CTBP2: variants seen among roughly 807,000 people sequenced by gnomAD.
CTBP2 encodes the protein C-terminal-binding protein 2.
In CTBP2, 30 loss-of-function variants were observed where a neutral mutation model predicts 80.3. The observed-to-expected ratio is 0.37, with a 90% CI of 0.28 to 0.51. The LOEUF (loss-of-function observed/expected upper bound fraction) is 0.51, where lower values mean the gene tolerates loss of function less well. Among genes scored for constraint, CTBP2 ranks in the 20% least tolerant of loss-of-function variants. The probability of loss-of-function intolerance (pLI) is 0.93; values close to 1 mark genes in which losing one functional copy is unlikely to be tolerated. For missense variants in CTBP2, 1,212 were observed against 1,375.3 expected (o/e 0.88, Z 1.88); for synonymous variants, 594 against 587.4 (o/e 1.01, Z -0.16).
chr10:125,038,943 G>T, intron 3 of CTBP2, 54 bp downstream of exon 3: 1 of 1,575,780 alleles, frequency 6.3e-7, no homozygotes, highest in Non-Finnish European at 8.7e-7. Context: ...AGCCAGCGAA[G>T]ATTTGAGTGA....
intron 2 of CTBP2, among the ~76,000 whole-genome samples, chr10:125,101,010 T>C (rs1473044478): frequency 3.9e-5 from 6 of 152,240 alleles, no homozygotes; most frequent in Non-Finnish European, 8.8e-5. Flanking sequence ...AGTAATGTGA[T>C]ATTACATCAT....
At chr10:125,149,698 T>G (rs1055304123) in intron 1 of CTBP2, among the ~76,000 whole-genome samples, 1 of 152,230 alleles carries the variant, frequency 6.6e-6, no homozygotes, top group Admixed American at 6.5e-5. Flanking sequence ...GAAGGTAATC[T>G]TATAAAGAAA....
chr10:125,139,103 G>A (rs2133236485), intron 1 of CTBP2, among the ~76,000 whole-genome samples: 1 of 152,274 alleles, frequency 6.6e-6, no homozygotes, highest in East Asian at 1.9e-4. Context: ...CAGGCGAGGT[G>A]GCTCACGCCT....
chr10:125,028,165 G>A (rs771201565), upstream of CTBP2: 3 of 168,376 alleles, frequency 1.8e-5, no homozygotes, highest in Non-Finnish European at 3.9e-5. Context: ...TGATGAAGCC[G>A]GTGGCTTGCT....
intron 1 of CTBP2, among the ~76,000 whole-genome samples, chr10:125,137,087 A>T (rs1205040611): frequency 6.6e-6 from 1 of 152,178 alleles, no homozygotes; most frequent in East Asian, 1.9e-4. Flanking sequence ...CTAAAAATCT[A>T]AATTTCCCAT....
intron 2 of CTBP2, among the ~76,000 whole-genome samples, chr10:125,106,383 G>A (rs763239815): frequency 2.0e-5 from 3 of 152,186 alleles, no homozygotes; most frequent in Non-Finnish European, 2.9e-5. Flanking sequence ...CAGTGTTTCC[G>A]GAAAGGCTTC....
intron 1 of CTBP2, among the ~76,000 whole-genome samples, chr10:125,018,552 C>CAAA (rs1437973361): frequency 2.5e-4 from 31 of 121,758 alleles, no homozygotes; most frequent in African/African-American, 7.4e-4. Context: ...ACCAAACCAA[C>CAAA]CAACAAACAA....
intron 2 of CTBP2, among the ~76,000 whole-genome samples, chr10:125,084,326 G>A (rs1440900273): frequency 5.3e-5 from 8 of 152,204 alleles, no homozygotes; most frequent in Non-Finnish European, 1.2e-4. Context: ...GGAAGAAGCT[G>A]CACGGAGAAC....
chr10:125,127,891 C>T (rs1437084804), intron 1 of CTBP2, among the ~76,000 whole-genome samples: 1 of 152,178 alleles, frequency 6.6e-6, no homozygotes, highest in Non-Finnish European at 1.5e-5. Flanking sequence ...GGCCCTCCCC[C>T]AATCTCAACC....
intron 1 of CTBP2, among the ~76,000 whole-genome samples, chr10:125,159,215 G>C (rs2133542938): frequency 6.7e-6 from 1 of 149,934 alleles, no homozygotes; most frequent in African/African-American, 2.4e-5. Context: ...GCGCCGCACC[G>C]GGTCCCTGCC....
At chr10:125,092,211 TC>T (rs1848876271) in intron 2 of CTBP2, among the ~76,000 whole-genome samples, 1 of 143,638 alleles carries the variant, frequency 7.0e-6, no homozygotes, top group South Asian at 2.2e-4. Context: ...AGATGAAGTT[TC>T]CCTTTGTTGC....
At chr10:125,107,738 C>T (rs1167194348) in intron 2 of CTBP2, among the ~76,000 whole-genome samples, 1 of 152,150 alleles carries the variant, frequency 6.6e-6, no homozygotes, top group Non-Finnish European at 1.5e-5. Context: ...GACTGTCTTT[C>T]CCAGAGGCCC....
At chr10:125,061,432 A>T (rs569101552) in intron 2 of CTBP2, among the ~76,000 whole-genome samples, 1 of 152,294 alleles carries the variant, frequency 6.6e-6, no homozygotes, top group Admixed American at 6.5e-5. Context: ...GGGGAAGGCC[A>T]GAGAAGGCCT....
chr10:125,149,381 G>A (rs183970565), intron 1 of CTBP2, among the ~76,000 whole-genome samples: 4 of 152,210 alleles, frequency 2.6e-5, no homozygotes, highest in Non-Finnish European at 4.4e-5. Flanking sequence ...GAAGTGGAAG[G>A]AGACCTGTTT....
chr10:125,042,280 T>C (rs981226092), intron 2 of CTBP2, among the ~76,000 whole-genome samples: 2 of 152,210 alleles, frequency 1.3e-5, no homozygotes, highest in African/African-American at 4.8e-5. Flanking sequence ...AGGCCCTCCT[T>C]AGAGCTGAGC....
intron 1 of CTBP2, among the ~76,000 whole-genome samples, chr10:125,142,244 G>A (rs565408487): frequency 1.3e-5 from 2 of 152,324 alleles, no homozygotes; most frequent in East Asian, 1.9e-4. Context: ...AGCTCCTGGA[G>A]TCTCAGGCAT....
chr10:125,098,724 C>CAGAGAG (rs1564914318), intron 2 of CTBP2, among the ~76,000 whole-genome samples: 13 of 75,694 alleles, frequency 1.7e-4, no homozygotes, highest in African/African-American at 4.5e-4. Context: ...GAGAGAGAGA[C>CAGAGAG]AGAGAGAGAG....
In CTBP2 at chr10:125,027,140, A is replaced by G. The variant is rs767584860; in HGVS notation, c.620T>C (p.Leu207Pro). ...GCTGATGTCGCTGAAGACCTGGCTG[A>G]GGGGGTAGGCAGGCACCTCCGCCCC... Residue 207 changes from leucine to proline, a missense_variant, in exon 1 of 9, where the codon CTC (leucine) becomes CCC (proline). Coordinates refer to ENST00000309035, the MANE Select transcript of CTBP2 (RefSeq NM_022802.3). The G allele has an allele frequency of 8.0e-5, 129 of 1,604,104 alleles. No homozygotes were observed. Among genetic ancestry groups the G allele is most frequent in the Non-Finnish European group, 1.1e-4 (126 of 1,173,186 alleles).
chr10:124,985,026 C>G lies in CTBP2; in HGVS notation c.*4492G>C. 1 of 1,517,424 alleles carries G rather than the reference C, an allele frequency of 6.6e-7. No individual in the cohort carries two copies. The highest frequency in any genetic ancestry group is 9.0e-7 in the Non-Finnish European group (1 of 1,109,264). 94.0% of individuals were successfully genotyped at this position (1,517,424 alleles called of 1,614,324 possible). On this transcript the variant is annotated 3_prime_UTR_variant, in exon 9 of 9. Coordinates refer to ENST00000309035, the MANE Select transcript of CTBP2 (RefSeq NM_022802.3). ...ATCAAACAGCAGAAGACCAAGGCAT[C>G]AGATCTGTAATGACCCTAAAGTTAG...
Sources: gnomAD v4.1 joint callset for allele counts (sites outside exome capture counted in the v4.1 genomes callset) on GRCh38, gnomAD v4.1.1 for gene constraint, MANE v1.5 for transcripts, NCBI Gene and HGNC (gene_info 2026-07-23, HGNC 2026-07-21) for gene names.